IGHMBP2: variants seen among roughly 807,000 people sequenced by gnomAD.
The protein encoded by IGHMBP2 is immunoglobulin mu DNA binding protein 2, also known as DNA-binding protein SMUBP-2.
Under a neutral mutation model 96.0 loss-of-function variants are expected in IGHMBP2, and 81 were observed. The observed-to-expected ratio is 0.84, with a 90% CI of 0.71 to 1.01. The LOEUF (loss-of-function observed/expected upper bound fraction) is 1.01. IGHMBP2 is among the 50% of genes least tolerant of loss of function. IGHMBP2 has a pLI of 0.00. For synonymous variants in IGHMBP2, 557 were observed against 548.9 expected, an observed-to-expected ratio of 1.01 and a Z score of -0.21; for missense variants, 1,227 against 1,306.3, an observed-to-expected ratio of 0.94 and a Z score of 0.94.
At chr11:68,934,288 A>G in intron 10 of IGHMBP2, 176 bp from the exon 11 acceptor site, 2 of 679,422 alleles carry the variant, frequency 2.9e-6, no homozygotes, top group Non-Finnish European at 2.7e-6. Context: ...AATTCAAGTT[A>G]GCTGGGCATG....
intron 13 of IGHMBP2, 35 bp downstream of exon 13, chr11:68,937,126 C>T: frequency 6.3e-7 from 1 of 1,595,606 alleles, no homozygotes; most frequent in East Asian, 2.2e-5. Context: ...GGCAGTGTCC[C>T]CTCACTGGGG....
chr11:68,908,582 C>T lies in IGHMBP2; in HGVS notation c.498C>T (p.Leu166=), dbSNP rs780311461. 3 of 1,613,930 alleles carry T rather than the reference C, an allele frequency of 1.9e-6. No individual in the cohort carries two copies. The highest frequency in any genetic ancestry group is 1.7e-5 in the Admixed American group (1 of 59,998). The change falls in exon 4 of 15, where the codon CTC becomes CTT. Residue 166 remains leucine, a synonymous_variant. Transcript: ENST00000255078. ...KKYHSGPASS[L]IEVLFGRSAP... The stretch of plus-strand genomic sequence containing the variant: ...ATCATTCTGGCCCAGCCTCCTCACT[C>T]ATAGAAGTGCTCTTTGGCAGATCTG...
chr11:68,933,380 G>T lies in IGHMBP2; in HGVS notation c.1317G>T (p.Thr439=). ...GCGCGAGGGTGGTGCGGACACTGAC[G>T]GTGCAGTACCGCATGCACCAGGCTA... The part of the protein sequence containing the change: ...EYGARVVRTL[T]VQYRMHQAIM... The change falls in exon 9 of 15, where the codon ACG becomes ACT. Residue 439 remains threonine, a synonymous_variant. Transcript: ENST00000255078. The T allele has an allele frequency of 6.2e-7, 1 of 1,613,074 alleles. No individual in the cohort carries two copies. The highest frequency in any genetic ancestry group is 2.2e-5 in the East Asian group (1 of 44,850).
chr11:68,936,015 G>C (rs1859511246), intron 12 of IGHMBP2, among the ~76,000 whole-genome samples: 1 of 152,232 alleles, frequency 6.6e-6, no homozygotes, highest in African/African-American at 2.4e-5. Flanking sequence ...AGGAGCGACA[G>C]AACCCAGTCG....
At chr11:68,915,165 C>CTTTTTT in intron 6 of IGHMBP2, 142 bp downstream of exon 6, 2 of 265,084 alleles carry the variant, frequency 7.5e-6, no homozygotes, top group South Asian at 8.0e-5. Context: ...ATTGGGCTGC[C>CTTTTTT]CTTTTTTTTT....
At chr11:68,935,512 C>T in intron 12 of IGHMBP2, 90 bp downstream of exon 12, 2 of 1,489,604 alleles carry the variant, frequency 1.3e-6, no homozygotes, top group Non-Finnish European at 1.9e-6. Flanking sequence ...GGGTGCCACA[C>T]TGGTTTCTGG....
intron 8 of IGHMBP2, among the ~76,000 whole-genome samples, chr11:68,930,957 A>G (rs375698588): frequency 4.6e-5 from 7 of 152,040 alleles, no homozygotes; most frequent in African/African-American, 1.7e-4. Flanking sequence ...GCTTTTATGG[A>G]CCTCAAGAGG....
intron 7 of IGHMBP2, among the ~76,000 whole-genome samples, chr11:68,921,743 A>G (rs1329320683): frequency 6.6e-6 from 1 of 152,100 alleles, no homozygotes; most frequent in Non-Finnish European, 1.5e-5. Context: ...TAGGTCGTGT[A>G]TTTCCACGTG....
Position 68,935,435 on chromosome 11 carries a change from C to T in IGHMBP2, c.1756+13C>T, listed in dbSNP as rs568649635. 6.2e-6 allele frequency: 10 copies of T among 1,613,832 alleles called. No individual in the cohort carries two copies. The highest frequency in any genetic ancestry group is 2.7e-5 in the African/African-American group (2 of 75,062). On this transcript the variant is annotated intron_variant, in intron 12 of 14. Transcript: ENST00000255078. Reference sequence around the variant, plus strand: ...TCCAACAGGAAAGGTACGGAGCCCTCGCCAGAGTCCTTTGGGGACAGCACA... The same window carrying T: ...TCCAACAGGAAAGGTACGGAGCCCTTGCCAGAGTCCTTTGGGGACAGCACA...
chr11:68,929,417 G>A lies in IGHMBP2; in HGVS notation c.1235+60G>A, dbSNP rs118002016. On this transcript the variant is annotated intron_variant, in intron 8 of 14. Transcript: ENST00000255078. The stretch of plus-strand genomic sequence containing the variant: ...CCCCGCCCTCCTGCGGTCCTTCCAC[G>A]CTCAGCCAGGAGCCCCAGGCTCACC... 9,872 of 1,511,886 alleles carry A rather than the reference G, an allele frequency of 6.5e-3. 72 individuals are homozygous for A. The highest frequency in any genetic ancestry group is 0.025 in the Middle Eastern group (139 of 5,554). The allele number at this position is 1,511,886 out of a possible 1,614,324, so 93.7% of individuals were successfully genotyped here.
chr11:68,939,414 C>T (rs1274623523), intron 14 of IGHMBP2, 120 bp from the exon 15 acceptor site: 23 of 1,004,796 alleles, frequency 2.3e-5, no homozygotes, highest in Admixed American at 6.2e-5. Context: ...ACTGACATGG[C>T]GGGAGGAGTG....
chr11:68,919,521 A>T (rs1000559810), intron 7 of IGHMBP2, among the ~76,000 whole-genome samples: 4 of 152,178 alleles, frequency 2.6e-5, no homozygotes, highest in Non-Finnish European at 4.4e-5. Flanking sequence ...GACTTACTTT[A>T]TGGTCCAGAA....
At position 68,903,948 on chromosome 11, in the gene IGHMBP2, C is replaced by T. The variant is rs765237978; in HGVS notation, c.-5C>T. The T allele has an allele frequency of 3.2e-6, 5 of 1,575,414 alleles. No individual in the cohort carries two copies. In the Admixed American group the frequency reaches 9.4e-5, roughly 30 times the overall value. Reference sequence around the variant, plus strand: ...GGCTTCTAGGGGCCCAGGCCGGCGGCGGCGATGGCCTCGGCAGCTGTGGAG... The same window carrying T: ...GGCTTCTAGGGGCCCAGGCCGGCGGTGGCGATGGCCTCGGCAGCTGTGGAG... On this transcript the variant is annotated 5_prime_UTR_variant, in exon 1 of 15. Transcript: ENST00000255078.
At chr11:68,908,769 T>A (rs1858302143) in intron 4 of IGHMBP2, 138 bp downstream of exon 4, 2 of 679,172 alleles carry the variant, frequency 2.9e-6, no homozygotes, top group Non-Finnish European at 5.3e-6. Flanking sequence ...TGTAGGAGTG[T>A]CTCGGAGGGC....
chr11:68,908,628 A>G lies in IGHMBP2; in HGVS notation c.544A>G (p.Ile182Val), dbSNP rs1345132621. 2 of 1,606,896 alleles carry G rather than the reference A, an allele frequency of 1.2e-6. No homozygotes were observed. The highest frequency in any genetic ancestry group is 1.1e-5 in the South Asian group (1 of 90,926). The change falls in exon 4 of 15, where the codon ATA becomes GTA. Residue 182 changes from isoleucine to valine, a missense_variant. This residue lies in a region of IGHMBP2 where 507 missense variants were observed against 496.9 expected (regional missense o/e 1.02). Transcript: ENST00000255078. ...GRSAPSPASE[I>V]HPLTFFNTCL... Reference sequence around the variant, plus strand: ...ATCTGCTCCCAGTCCTGCCAGTGAAATACGTAAGAACTTCTGAGTTTTCTT... The same window carrying G: ...ATCTGCTCCCAGTCCTGCCAGTGAAGTACGTAAGAACTTCTGAGTTTTCTT...
intron 8 of IGHMBP2, among the ~76,000 whole-genome samples, chr11:68,931,430 G>A (rs888466293): frequency 6.6e-6 from 1 of 152,090 alleles, no homozygotes; most frequent in African/African-American, 2.4e-5. Context: ...TCTGGCGGCT[G>A]CAGCTGCACG....
rs1477866111 is a variant in IGHMBP2 at position 68,905,952 on chromosome 11, A to G, written c.87-117A>G. The G allele has an allele frequency of 1.5e-5, 16 of 1,032,644 alleles. 1 individual carries two copies. The East Asian group carries it at 2.6e-4, about 17-fold the overall frequency. The allele number at this position is 1,032,644 out of a possible 1,614,324, so 64.0% of individuals were successfully genotyped here. On this transcript the variant is annotated intron_variant, in intron 1 of 14. Coordinates refer to ENST00000255078, the MANE Select transcript of IGHMBP2 (RefSeq NM_002180.3). ...AGCCAATTCGGAGTTCCATTGGGACATATTTAGTGCCTGTGAGTAGATCTT... is the reference window on the plus strand; with the variant it reads ...AGCCAATTCGGAGTTCCATTGGGACGTATTTAGTGCCTGTGAGTAGATCTT...
rs1413020843 is a variant in IGHMBP2, at chr11:68,908,129, G to A, written c.257-16G>A. ...TTTCCCCAGTGTCTTGTGTCACTGA[G>A]TCTTTGTTTTTGCAGGTGATATCGT... On this transcript the variant is annotated splice_polypyrimidine_tract_variant and intron_variant, in intron 2 of 14. Transcript: ENST00000255078. 1.2e-6 allele frequency: 2 copies of A among 1,610,138 alleles called. No individual in the cohort carries two copies. The highest frequency in any genetic ancestry group is 1.3e-5 in the African/African-American group (1 of 74,732).
intron 5 of IGHMBP2, among the ~76,000 whole-genome samples, chr11:68,912,458 AT>A (rs1361698013): frequency 6.6e-6 from 1 of 151,156 alleles, no homozygotes; most frequent in African/African-American, 2.4e-5. Flanking sequence ...CTGAAAAAGG[AT>A]CTTTTATCAT....
Sources: allele counts gnomAD v4.1 joint callset (sites outside exome capture counted in the v4.1 genomes callset), GRCh38; gene constraint gnomAD v4.1.1; regional missense constraint gnomAD v4.1.1; transcripts MANE v1.5; gene names NCBI Gene and HGNC (gene_info 2026-07-23, HGNC 2026-07-21).